Variants in SORCS1 observed in about 807,000 individuals in gnomAD.
SORCS1 encodes the protein VPS10 domain-containing receptor SorCS1.
A neutral mutation model predicts 146.1 loss-of-function variants in SORCS1; 60 were observed. The observed-to-expected ratio is 0.41, with a 90% CI of 0.33 to 0.51. SORCS1 has a LOEUF of 0.51. Among genes scored for constraint, SORCS1 ranks in the 20% least tolerant of loss-of-function variants. The probability of loss-of-function intolerance (pLI) is 0.21; values close to 1 mark genes in which losing one functional copy is unlikely to be tolerated. For missense variants in SORCS1, 1,352 were observed against 1,487.6 expected (o/e 0.91, Z 1.50); for synonymous variants, 637 against 584.0 (o/e 1.09, Z -1.31).
intron 8 of SORCS1, among the ~76,000 whole-genome samples, chr10:106,701,663 T>A (rs1854148288): frequency 6.6e-6 from 1 of 152,288 alleles, no homozygotes; most frequent in East Asian, 1.9e-4. Flanking sequence ...AAGAAGCTCA[T>A]CCCACCGCCA....
intron 1 of SORCS1, among the ~76,000 whole-genome samples, chr10:107,006,528 T>G (rs1026095109): frequency 1.3e-5 from 2 of 152,150 alleles, no homozygotes; most frequent in African/African-American, 4.8e-5. Flanking sequence ...ATGAAAATAG[T>G]AACTTTCCAC....
chr10:107,127,011 A>T (rs1039693676), intron 1 of SORCS1, among the ~76,000 whole-genome samples: 1 of 152,190 alleles, frequency 6.6e-6, no homozygotes, highest in Non-Finnish European at 1.5e-5. Flanking sequence ...TGAGCCCAGC[A>T]GTGGTTAACA....
At chr10:107,106,887 CA>C (rs1245497182) in intron 1 of SORCS1, among the ~76,000 whole-genome samples, 1 of 152,092 alleles carries the variant, frequency 6.6e-6, no homozygotes, top group African/African-American at 2.4e-5. Context: ...TGTGAGGATA[CA>C]AAGAGAAAAT....
intron 1 of SORCS1, among the ~76,000 whole-genome samples, chr10:107,050,072 C>T (rs1382017719): frequency 1.3e-5 from 2 of 152,114 alleles, no homozygotes; most frequent in African/African-American, 4.8e-5. Context: ...AAACATGATC[C>T]TGTGAGAAAA....
At chr10:106,717,085 C>T (rs1467579159) in intron 6 of SORCS1, among the ~76,000 whole-genome samples, 6 of 152,116 alleles carry the variant, frequency 3.9e-5, no homozygotes, top group East Asian at 3.9e-4. Flanking sequence ...AAGCTAGAAA[C>T]GATGCAGGCA....
At chr10:106,753,514 G>A (rs924205680) in intron 5 of SORCS1, among the ~76,000 whole-genome samples, 5 of 152,222 alleles carry the variant, frequency 3.3e-5, no homozygotes, top group Admixed American at 2.0e-4. Flanking sequence ...GAATGGTAAT[G>A]ATACGAGTCA....
intron 2 of SORCS1, among the ~76,000 whole-genome samples, chr10:106,928,390 T>G (rs541590219): frequency 1.3e-5 from 2 of 152,280 alleles, no homozygotes; most frequent in African/African-American, 4.8e-5. Flanking sequence ...CTGCTCCGAG[T>G]GCGGGGCCGC....
At chr10:107,179,727 T>G in the SORCS1 span, among the ~76,000 whole-genome samples, 1 of 152,154 alleles carries the variant, frequency 6.6e-6, no homozygotes, top group Non-Finnish European at 1.5e-5. Context: ...GTGAAATGAC[T>G]CTTCATGTCT....
intron 1 of SORCS1, among the ~76,000 whole-genome samples, chr10:107,048,090 CAACAAA>C (rs1289941811): frequency 1.3e-5 from 2 of 151,932 alleles, no homozygotes; most frequent in African/African-American, 2.4e-5. Flanking sequence ...TCTCCAACAA[CAACAAA>C]AAGACTTTAC....
At position 106,960,883 on chromosome 10, in the gene SORCS1, A is replaced by G. The variant is rs1411173229; in HGVS notation, c.559-4303T>C. Among the ~76,000 whole-genome samples, 5 of 152,124 alleles carry G rather than the reference A, an allele frequency of 3.3e-5. No individual in the cohort carries two copies. The highest frequency in any genetic ancestry group is 1.2e-4 in the African/African-American group (5 of 41,418). ...TCCCACAGCACTGAGCCACATTTTCATAACCCGGGCTCCCAAACTATTAGT... is the reference window on the plus strand; with the variant it reads ...TCCCACAGCACTGAGCCACATTTTCGTAACCCGGGCTCCCAAACTATTAGT... On this transcript the variant is annotated intron_variant, in intron 1 of 25. Coordinates refer to ENST00000263054, the MANE Select transcript of SORCS1 (RefSeq NM_052918.5). The surrounding 1 kb of genome is among the most constrained non-coding windows in gnomAD (Gnocchi z 4.4).
At chr10:107,051,712 T>C (rs1228482095) in intron 1 of SORCS1, among the ~76,000 whole-genome samples, 1 of 152,176 alleles carries the variant, frequency 6.6e-6, no homozygotes, top group Admixed American at 6.6e-5. Context: ...CTGGCTTGCA[T>C]GTCTGTGCCA....
chr10:106,946,292 A>G (rs2138828698), intron 2 of SORCS1, among the ~76,000 whole-genome samples: 1 of 152,352 alleles, frequency 6.6e-6, no homozygotes, highest in African/African-American at 2.4e-5. Context: ...AGACATGGTC[A>G]TAGTCTTTGG....
At chr10:106,680,566 G>T (rs1852360198) in intron 10 of SORCS1, among the ~76,000 whole-genome samples, 1 of 152,164 alleles carries the variant, frequency 6.6e-6, no homozygotes, top group African/African-American at 2.4e-5. Context: ...AACTGAAAAT[G>T]TAAGGGACTT....
At chr10:107,057,604 T>C (rs1224147919) in intron 1 of SORCS1, among the ~76,000 whole-genome samples, 3 of 149,032 alleles carry the variant, frequency 2.0e-5, no homozygotes, top group East Asian at 1.9e-4. Flanking sequence ...CTCTCTTCTG[T>C]TGTCCTCTCT....
chr10:106,792,969 A>G (rs1946388944), intron 3 of SORCS1, among the ~76,000 whole-genome samples: 1 of 152,204 alleles, frequency 6.6e-6, no homozygotes, highest in Admixed American at 6.5e-5. Flanking sequence ...TCATCATTCA[A>G]CCATTCATTT....
intron 1 of SORCS1, among the ~76,000 whole-genome samples, chr10:107,120,577 G>C (rs894076467): frequency 6.6e-6 from 1 of 152,116 alleles, no homozygotes; most frequent in Non-Finnish European, 1.5e-5. Flanking sequence ...TTGAAATAAG[G>C]ACCAGGAAAT....
At chr10:106,814,246 T>A (rs1321437397) in intron 3 of SORCS1, among the ~76,000 whole-genome samples, 2 of 152,230 alleles carry the variant, frequency 1.3e-5, no homozygotes, top group Non-Finnish European at 2.9e-5. Flanking sequence ...AAATATGACA[T>A]ATGGTTTGCC....
At chr10:107,028,340 C>A (rs1352721435) in intron 1 of SORCS1, among the ~76,000 whole-genome samples, 1 of 152,210 alleles carries the variant, frequency 6.6e-6, no homozygotes, top group Non-Finnish European at 1.5e-5. Context: ...CAGAAAGAGG[C>A]TCATATTCAA....
At position 107,164,226 on chromosome 10, in the gene SORCS1, C is replaced by A. The variant is rs144688396; in HGVS notation, c.301G>T (p.Val101Phe). 5.4e-5 allele frequency: 87 copies of A among 1,608,336 alleles called. 1 individual carries two copies. Among genetic ancestry groups the A allele is most frequent in the South Asian group, 5.4e-4 (49 of 91,066 alleles). The change falls in exon 1 of 26, where the codon GTT becomes TTT. Residue 101 changes from valine to phenylalanine, a missense_variant. This residue lies in a region of SORCS1 where 490 missense variants were observed against 489.1 expected (regional missense o/e 1.00). Transcript: ENST00000263054. The surrounding 1 kb of genome is among the most constrained non-coding windows in gnomAD (Gnocchi z 6.8). ...CTCCTCCGGCCGGAGCGTGCAGCAA[C>A]CGCCATGGATGCCCCAGTGCCCCGA... is the stretch of plus-strand genomic sequence containing the variant. ...RARGTGASMA[V>F]AARSGRRRRS...
Sources: allele counts gnomAD v4.1 joint callset (sites outside exome capture counted in the v4.1 genomes callset), GRCh38; gene constraint gnomAD v4.1.1; regional missense constraint gnomAD v4.1.1; non-coding constraint Gnocchi (gnomAD v3.1); transcripts MANE v1.5; gene names NCBI Gene and HGNC (gene_info 2026-07-23, HGNC 2026-07-21).